Variants in DYRK4 observed in about 807,000 individuals in gnomAD.
The protein encoded by DYRK4 is dual specificity tyrosine-phosphorylation-regulated kinase 4.
In DYRK4, 64 loss-of-function variants were observed where a neutral mutation model predicts 68.3. That is an observed-to-expected ratio of 0.94 (90% CI 0.77 to 1.15). DYRK4 has a LOEUF of 1.15. Ranked by LOEUF, DYRK4 falls within the 50% of genes most tolerant of loss-of-function variation. The pLI is 0.00. For synonymous variants in DYRK4, 274 were observed against 289.9 expected (o/e 0.95, Z 0.56); for missense variants, 740 against 764.7 (o/e 0.97, Z 0.38).
rs553202084 is a variant in DYRK4, at chr12:4,604,918, C to G, written c.1131C>G (p.Tyr377Ter). 3.7e-6 allele frequency: 6 copies of G among 1,605,818 alleles called. No homozygotes were observed. The African/African-American group carries it at 6.7e-5, about 18-fold the overall frequency. ...GSSCYEHQKV[Y>*]TYIQSRFYRS... ...TCTCTTACTTTGCCTCCGCAGTATA[C>G]ACGTACATCCAAAGCCGGTTCTACC... The change falls in exon 11 of 15, where the codon TAC becomes TAG. Residue 377 changes from tyrosine to a stop codon, truncating the protein, a stop_gained. Coordinates refer to ENST00000543431, the MANE Select transcript of DYRK4 (RefSeq NM_001394779.1). LOFTEE classifies it high-confidence loss of function.
At chr12:4,599,568 AT>A in intron 9 of DYRK4, 138 bp from the exon 10 acceptor site, 1 of 635,518 alleles carries the variant, frequency 1.6e-6, no homozygotes, top group Non-Finnish European at 2.7e-6. Context: ...GGATGATGGG[AT>A]TTTGGAGAGG....
In DYRK4 at chr12:4,574,168, T is replaced by C. The variant is rs1254498281; in HGVS notation, c.132+6120T>C. Among the ~76,000 whole-genome samples the C allele has an allele frequency of 2.8e-5, 4 of 144,418 alleles. No homozygotes were observed. The Admixed American group carries it at 2.9e-4, about 11-fold the overall frequency. 94.7% of individuals were successfully genotyped at this position (144,418 alleles called of 152,430 possible). On this transcript the variant is annotated intron_variant, in intron 2 of 14. Transcript: ENST00000543431. ...TGAACCTGGGAGGCGGAGGTTGCAG[T>C]GCGCCGAGATCGCGCCACTGCACCC...
At chr12:4,567,347 G>A (rs938269587) in intron 1 of DYRK4, 5 of 152,236 alleles carry the variant, frequency 3.3e-5, no homozygotes, top group African/African-American at 1.2e-4. Context: ...CACAGAGCAA[G>A]CGGTTTCAGC....
In DYRK4 at chr12:4,584,716, C is replaced by T. The variant is rs568193776; in HGVS notation, c.133-4221C>T. Among the ~76,000 whole-genome samples, 14 of 152,036 alleles carry T rather than the reference C, an allele frequency of 9.2e-5. No individual in the cohort carries two copies. In the South Asian group the frequency reaches 2.7e-3, roughly 29 times the overall value. On this transcript the variant is annotated intron_variant, in intron 2 of 14. Coordinates refer to ENST00000543431, the MANE Select transcript of DYRK4 (RefSeq NM_001394779.1). Reference sequence around the variant, plus strand: ...GACTACAGGCGCCCACCACCACGCCCGGCTAATTTTTTGTGTTTTTAGTAG... The same window carrying T: ...GACTACAGGCGCCCACCACCACGCCTGGCTAATTTTTTGTGTTTTTAGTAG...
chr12:4,562,277 G>A lies in DYRK4; in HGVS notation c.32G>A (p.Gly11Glu). 1 of 1,532,472 alleles carries A rather than the reference G, an allele frequency of 6.5e-7. No homozygotes were observed. Among genetic ancestry groups the A allele is most frequent in the Non-Finnish European group, 8.7e-7 (1 of 1,145,392 alleles). The allele number at this position is 1,532,472 out of a possible 1,614,324, so 94.9% of individuals were successfully genotyped here. A position where few individuals can be genotyped will look rare whatever the true frequency, so the allele number is the denominator to read the frequency against. Residue 11 changes from glycine to glutamate, a missense_variant, in exon 1 of 15, where the codon GGA becomes GAA. This residue lies in a region of DYRK4 where 70 missense variants were observed against 71.1 expected (regional missense o/e 0.98). Coordinates refer to ENST00000543431, the MANE Select transcript of DYRK4 (RefSeq NM_001394779.1). MQLLPPPIRT[G>E]TKTQMDAKKP... ...CTCCTCCCGCCGCCTATCCGCACCG[G>A]AACAAAGTAAGGGCCGCGGAGGCTC...
At chr12:4,596,386 C>A in intron 7 of DYRK4, 101 bp downstream of exon 7, 1 of 1,565,218 alleles carries the variant, frequency 6.4e-7, no homozygotes, top group South Asian at 1.2e-5. Context: ...CTCCAATCTT[C>A]CCTTTTGTCT....
chr12:4,588,955 G>A lies in DYRK4; in HGVS notation c.151G>A (p.Val51Ile). Residue 51 changes from valine (V) to isoleucine (I), a missense_variant, in exon 3 of 15, where the codon GTT (valine) becomes ATT (isoleucine). Physicochemically the swap from Val to Ile is conservative, Grantham distance 29 (BLOSUM62 3). Transcript: ENST00000543431. ...TSAKVGSKLS[V>I]QIQKPPSNIK... ...GATCCAGGTTGGAAGTAAACTTTCG[G>A]TTCAGATCCAGAAGCCACCTTCCAA... 6.5e-7 allele frequency: 1 copy of A among 1,536,046 alleles called. No homozygotes were observed. Among genetic ancestry groups the A allele is most frequent in the Non-Finnish European group, 8.7e-7 (1 of 1,146,892 alleles).
intron 10 of DYRK4, among the ~76,000 whole-genome samples, chr12:4,601,804 T>C (rs913600913): frequency 1.3e-5 from 2 of 152,112 alleles, no homozygotes; most frequent in African/African-American, 4.8e-5. Flanking sequence ...AATAATTTGG[T>C]GTCTTTAATT....
At chr12:4,586,039 C>A (rs1040214506) in intron 2 of DYRK4, among the ~76,000 whole-genome samples, 1 of 152,070 alleles carries the variant, frequency 6.6e-6, no homozygotes, top group Non-Finnish European at 1.5e-5. Context: ...ACAGCAAGAT[C>A]CTGTCTCTAC....
At chr12:4,605,400 C>T (rs118116239) in intron 11 of DYRK4, among the ~76,000 whole-genome samples, 1,843 of 152,336 alleles carry the variant, frequency 0.012, 24 homozygotes, top group Non-Finnish European at 0.018. Flanking sequence ...ACGGACATGA[C>T]ACCCATTAAA....
Position 4,605,088 on chromosome 12 carries a change from T to TA in DYRK4, c.1299+3dup. 1.2e-6 allele frequency: 2 copies of TA among 1,610,358 alleles called. No homozygotes were observed. Among genetic ancestry groups the TA allele is most frequent in the Non-Finnish European group, 1.7e-6 (2 of 1,177,904 alleles). On this transcript the variant is annotated splice_region_variant and intron_variant, in intron 11 of 14. Transcript: ENST00000543431. ...GAGCAGCTGGCCTGCATCATGGAGGTACGCGGAGGGCTGGCGGTCGGCTCC... is the reference window on the plus strand; with the variant it reads ...GAGCAGCTGGCCTGCATCATGGAGGTAACGCGGAGGGCTGGCGGTCGGCTCC...
At chr12:4,575,298 A>ATTGTGTGTGTGTGTGTGTGT (rs562026104) in intron 2 of DYRK4, among the ~76,000 whole-genome samples, 6,614 of 144,062 alleles carry the variant, frequency 0.046, 216 homozygotes, top group East Asian at 0.071. Context: ...ACAATAACTT[A>ATTGTGTGTGTGTGTGTGTGT]CTGTGTGTGT....
In DYRK4 at chr12:4,604,996, G is replaced by C. The variant is rs371520861; in HGVS notation, c.1209G>C (p.Trp403Cys). ...CCTACGACGTGGCCATTGACATGTG[G>C]AGCCTGGGCTGCATCACGGCGGAGT... The part of the protein sequence containing the change: ...GHPYDVAIDM[W>C]SLGCITAELY... The change falls in exon 11 of 15, where the codon TGG becomes TGC. Residue 403 changes from tryptophan (W) to cysteine (C), a missense_variant. By Grantham distance (215) the Trp-to-Cys change is radical. Transcript: ENST00000543431. 5 of 1,613,938 alleles carry C rather than the reference G, an allele frequency of 3.1e-6. No homozygotes were observed. The African/African-American group carries it at 6.7e-5, about 22-fold the overall frequency.
chr12:4,586,178 G>A (rs773001798), intron 2 of DYRK4, among the ~76,000 whole-genome samples: 11 of 152,142 alleles, frequency 7.2e-5, no homozygotes, highest in Non-Finnish European at 1.5e-4. Flanking sequence ...TGGGTAACAG[G>A]GCAAGACACC....
rs762165041 is a variant in DYRK4, at chr12:4,613,599, T to G, written c.1751T>G (p.Leu584Arg). ...CATTCAGGTGATCAGCAGGACTGTC[T>G]CCAGCACGGAGCTGACACTGTTCAG... ...VQHSGDQQDC[L>R]QHGADTVQLP... The change falls in exon 15 of 15, where the codon CTC becomes CGC. Residue 584 changes from leucine (L) to arginine (R), a missense_variant. Transcript: ENST00000543431. The surrounding 1 kb of genome is among the most constrained non-coding windows in gnomAD (Gnocchi z 4.0). 22 of 1,614,154 alleles carry G rather than the reference T, an allele frequency of 1.4e-5. No homozygotes were observed. The South Asian group carries it at 2.3e-4, about 17-fold the overall frequency.
chr12:4,598,061 G>C (rs1253278078), intron 8 of DYRK4, among the ~76,000 whole-genome samples: 1 of 152,086 alleles, frequency 6.6e-6, no homozygotes, highest in African/African-American at 2.4e-5. Context: ...GCAAGACTCT[G>C]TCTCAAACAA....
Position 4,596,244 on chromosome 12 carries a change from C to A in DYRK4, c.723C>A (p.Asn241Lys), listed in dbSNP as rs765460759. 7.4e-6 allele frequency: 12 copies of A among 1,614,068 alleles called. No homozygotes were observed. Among genetic ancestry groups the A allele is most frequent in the Non-Finnish European group, 1.0e-5 (12 of 1,180,046 alleles). ...TGGCCAAGTGCTTGGATCACAAAAA[C>A]AATGAGCTGGTGGCCCTGAAAATCA... ...GQVAKCLDHK[N>K]NELVALKIIR... The change falls in exon 7 of 15, where the codon AAC becomes AAA. Residue 241 changes from asparagine to lysine, a missense_variant. By Grantham distance (94) the Asn-to-Lys change is moderately conservative. Transcript: ENST00000543431.
At position 4,596,599 on chromosome 12, in the gene DYRK4, C is replaced by A. The variant is rs747416114; in HGVS notation, c.775C>A (p.Gln259Lys). 5 of 1,613,890 alleles carry A rather than the reference C, an allele frequency of 3.1e-6. No individual in the cohort carries two copies. In the East Asian group the frequency reaches 1.1e-4, roughly 36 times the overall value. Residue 259 changes from glutamine to lysine, a missense_variant, in exon 8 of 15, where the codon CAG becomes AAG. Physicochemically the swap from Gln to Lys is moderately conservative, Grantham distance 53. Transcript: ENST00000543431. ...TCCCAATCACCTTAGGTTTCACCAG[C>A]AGGCCCTGATGGAGCTGAAGATCCT... ...IIRNKKRFHQ[Q>K]ALMELKILEA...
Position 4,613,406 on chromosome 12 carries a change from A to C in DYRK4, c.1667-109A>C, listed in dbSNP as rs1945251191. 1 of 1,386,018 alleles carries C rather than the reference A, an allele frequency of 7.2e-7. No individual in the cohort carries two copies. The highest frequency in any genetic ancestry group is 9.8e-7 in the Non-Finnish European group (1 of 1,022,528). 85.9% of individuals were successfully genotyped at this position (1,386,018 alleles called of 1,614,324 possible). Reference sequence around the variant, plus strand: ...GGTGCTTTACAAATGAACTGTTTTTATATCATCACGGTCATCGTTTCCACT... The same window carrying C: ...GGTGCTTTACAAATGAACTGTTTTTCTATCATCACGGTCATCGTTTCCACT... On this transcript the variant is annotated intron_variant, in intron 14 of 14. Coordinates refer to ENST00000543431, the MANE Select transcript of DYRK4 (RefSeq NM_001394779.1). The surrounding 1 kb of genome is among the most constrained non-coding windows in gnomAD (Gnocchi z 4.0).
Sources: gnomAD v4.1 joint callset for allele counts (sites outside exome capture counted in the v4.1 genomes callset) on GRCh38, gnomAD v4.1.1 for gene constraint, gnomAD v4.1.1 regional missense constraint, Gnocchi (gnomAD v3.1) non-coding constraint, MANE v1.5 for transcripts, NCBI Gene and HGNC (gene_info 2026-07-23, HGNC 2026-07-21) for gene names.